SDCCAG8: variants seen among roughly 807,000 people sequenced by gnomAD.
The protein encoded by SDCCAG8 is SHH signaling and ciliogenesis regulator SDCCAG8.
A neutral mutation model predicts 101.8 loss-of-function variants in SDCCAG8; 74 were observed. That is an observed-to-expected ratio of 0.73 (90% confidence interval 0.60 to 0.88). The LOEUF is 0.88. Among genes scored for constraint, SDCCAG8 ranks in the 40% least tolerant of loss-of-function variants. SDCCAG8 has a pLI of 0.00. For missense variants in SDCCAG8, 787 were observed against 822.6 expected (o/e 0.96, Z 0.53); for synonymous variants, 281 against 292.9 (o/e 0.96, Z 0.41).
At chr1:243,442,149 A>C (rs908738297) in intron 16 of SDCCAG8, among the ~76,000 whole-genome samples, 2 of 152,194 alleles carry the variant, frequency 1.3e-5, no homozygotes, top group Non-Finnish European at 2.9e-5. Flanking sequence ...AGATCATCAT[A>C]TTACCCCAAG....
At chr1:243,452,901 G>A (rs1016632547) in intron 16 of SDCCAG8, among the ~76,000 whole-genome samples, 1 of 152,172 alleles carries the variant, frequency 6.6e-6, no homozygotes, top group African/African-American at 2.4e-5. Context: ...CTCTCAAAAC[G>A]TTGAAGAACT....
intron 1 of SDCCAG8, among the ~76,000 whole-genome samples, chr1:243,264,565 G>A (rs1444808512): frequency 1.3e-5 from 2 of 152,058 alleles, no homozygotes; most frequent in African/African-American, 4.8e-5. Context: ...AGTGAGCCGA[G>A]ATTGCACCAT....
At position 243,268,091 on chromosome 1, in the gene SDCCAG8, T is replaced by C. The variant is rs888260691; in HGVS notation, c.68-2014T>C. The C allele has an allele frequency of 7.0e-6, 5 of 718,248 alleles. No homozygotes were observed. The Admixed American group carries it at 1.1e-4, about 15-fold the overall frequency. The allele number at this position is 718,248 out of a possible 1,614,324, so 44.5% of individuals were successfully genotyped here. ...ACTAAGCGTTTGCTTCATGGTTGTA[T>C]AGTTCCTCATTTTCTTTTGCTTCCT... On this transcript the variant is annotated intron_variant, in intron 1 of 17. Transcript: ENST00000366541.
chr1:243,394,239 CAT>C (rs1205904601), intron 13 of SDCCAG8, among the ~76,000 whole-genome samples: 2 of 152,158 alleles, frequency 1.3e-5, no homozygotes, highest in African/African-American at 4.8e-5. Context: ...GGTGGTATAA[CAT>C]AGCCATATGC....
intron 8 of SDCCAG8, among the ~76,000 whole-genome samples, chr1:243,312,782 C>T (rs1420807940): frequency 6.6e-6 from 1 of 151,680 alleles, no homozygotes; most frequent in Non-Finnish European, 1.5e-5. Flanking sequence ...GACCAGGCCA[C>T]CCATATGTTT....
chr1:243,299,221 G>A (rs2490392), intron 6 of SDCCAG8, among the ~76,000 whole-genome samples: 116,431 of 152,094 alleles, frequency 0.77, 45,677 homozygotes, highest in East Asian at 0.93. Flanking sequence ...AATTGCTAGT[G>A]TAGAGAAAAA....
intron 13 of SDCCAG8, among the ~76,000 whole-genome samples, chr1:243,408,083 A>G (rs1214012867): frequency 6.6e-6 from 1 of 152,186 alleles, no homozygotes; most frequent in Non-Finnish European, 1.5e-5. Flanking sequence ...TTCTTGCAAA[A>G]ATAGAGATTA....
At chr1:243,454,064 C>G (rs2083558571) in intron 16 of SDCCAG8, among the ~76,000 whole-genome samples, 1 of 152,078 alleles carries the variant, frequency 6.6e-6, no homozygotes, top group Non-Finnish European at 1.5e-5. Flanking sequence ...TTCATTCGCA[C>G]CTAGCTCAGA....
chr1:243,413,044 T>A (rs2148006295), intron 13 of SDCCAG8, among the ~76,000 whole-genome samples: 1 of 152,248 alleles, frequency 6.6e-6, no homozygotes, highest in East Asian at 1.9e-4. Flanking sequence ...TGAAACATAA[T>A]GTATAGTTTC....
chr1:243,463,392 C>T (rs577908103), intron 16 of SDCCAG8, among the ~76,000 whole-genome samples: 27 of 152,320 alleles, frequency 1.8e-4, no homozygotes, highest in Admixed American at 1.4e-3. Context: ...CTTTAGAAAA[C>T]AATTTTAGAC....
intron 16 of SDCCAG8, chr1:243,476,202 A>G: frequency 1.0e-6 from 1 of 985,538 alleles, no homozygotes. Flanking sequence ...CGTGGCAACC[A>G]GCAGATGGGG....
At chr1:243,355,743 C>T (rs1192086882) in intron 12 of SDCCAG8, among the ~76,000 whole-genome samples, 44 of 152,116 alleles carry the variant, frequency 2.9e-4, no homozygotes. Flanking sequence ...GTAGCTGGGA[C>T]CACAGGTGCA....
chr1:243,315,798 A>G (rs1440829852), intron 8 of SDCCAG8, among the ~76,000 whole-genome samples: 1 of 152,220 alleles, frequency 6.6e-6, no homozygotes, highest in Non-Finnish European at 1.5e-5. Context: ...AACTGCAAGC[A>G]TTTATTTCAA....
At chr1:243,342,198 A>T (rs746727655) in intron 11 of SDCCAG8, among the ~76,000 whole-genome samples, 4 of 152,226 alleles carry the variant, frequency 2.6e-5, no homozygotes, top group Non-Finnish European at 4.4e-5. Context: ...ACCTAGATTT[A>T]TAGGTGAAAG....
intron 4 of SDCCAG8, among the ~76,000 whole-genome samples, chr1:243,284,008 T>G (rs1325499885): frequency 6.6e-6 from 1 of 152,222 alleles, no homozygotes; most frequent in Admixed American, 6.5e-5. Context: ...CCTCCCAAAG[T>G]GCTGGGATTA....
intron 11 of SDCCAG8, among the ~76,000 whole-genome samples, chr1:243,343,305 C>T (rs188707538): frequency 6.6e-6 from 1 of 152,278 alleles, no homozygotes; most frequent in African/African-American, 2.4e-5. Flanking sequence ...TAGAAGCCAA[C>T]TTAGCTGACT....
At chr1:243,356,543 A>G (rs1225400408) in intron 12 of SDCCAG8, among the ~76,000 whole-genome samples, 3 of 152,076 alleles carry the variant, frequency 2.0e-5, no homozygotes, top group Admixed American at 2.0e-4. Context: ...TTCACCTTAA[A>G]CTATAACTCA....
intron 13 of SDCCAG8, among the ~76,000 whole-genome samples, chr1:243,414,874 T>C (rs932745697): frequency 8.0e-5 from 12 of 149,092 alleles, no homozygotes; most frequent in Admixed American, 2.7e-4. Flanking sequence ...TGTGTGTGTG[T>C]GCACATGTAC....
At position 243,256,199 on chromosome 1, in the gene SDCCAG8, C is replaced by T; in HGVS notation, c.26C>T (p.Thr9Ile). The part of the protein sequence containing the change: MAKSPENS[T>I]LEEILGQYQR... ...ATGGCGAAGTCCCCGGAGAACTCTA[C>T]CCTGGAGGAGATTCTGGGGCAGTAT... is the stretch of plus-strand genomic sequence containing the variant. Residue 9 changes from threonine to isoleucine, a missense_variant, in exon 1 of 18, where the codon ACC (threonine) becomes ATC (isoleucine). Physicochemically the swap from Thr to Ile is moderately conservative, Grantham distance 89. Transcript: ENST00000366541. 6.2e-7 allele frequency: 1 copy of T among 1,614,206 alleles called. No homozygotes were observed. The highest frequency in any genetic ancestry group is 8.5e-7 in the Non-Finnish European group (1 of 1,180,010).
Sources: gnomAD v4.1 joint callset for allele counts (sites outside exome capture counted in the v4.1 genomes callset) on GRCh38, gnomAD v4.1.1 for gene constraint, MANE v1.5 for transcripts, NCBI Gene and HGNC (gene_info 2026-07-23, HGNC 2026-07-21) for gene names.